UTRN: variants seen among roughly 807,000 people sequenced by gnomAD.
The protein encoded by UTRN is dystrophin-related protein 1.
Under a neutral mutation model 463.9 loss-of-function variants are expected in UTRN, and 283 were observed. That is an observed-to-expected ratio of 0.61 (90% CI 0.55 to 0.67). UTRN has a LOEUF of 0.67. Among genes scored for constraint, UTRN ranks in the 30% least tolerant of loss-of-function variants. The pLI, the probability that UTRN is intolerant of heterozygous loss-of-function variation, is 0.00. For missense variants in UTRN, 3,922 were observed against 4,084.3 expected, an observed-to-expected ratio of 0.96 and a Z score of 1.08; for synonymous variants, 1,442 against 1,431.5, an observed-to-expected ratio of 1.01 and a Z score of -0.17.
intron 3 of UTRN, among the ~76,000 whole-genome samples, chr6:144,412,734 G>T (rs1407218225): frequency 7.2e-6 from 1 of 139,722 alleles, no homozygotes; most frequent in Non-Finnish European, 1.6e-5. Flanking sequence ...GTGTGTGTGT[G>T]TGTATATATA....
chr6:144,576,826 A>G (rs1387885474), intron 50 of UTRN, among the ~76,000 whole-genome samples: 3 of 152,174 alleles, frequency 2.0e-5, no homozygotes, highest in African/African-American at 7.2e-5. Context: ...TACAATTATG[A>G]GCTGTAAAAT....
chr6:144,827,260 G>A, intron 66 of UTRN, 88 bp from the exon 67 acceptor site: 1 of 1,493,118 alleles, frequency 6.7e-7, no homozygotes, highest in South Asian at 1.2e-5. Context: ...AGATAATTGA[G>A]AATCTCCCCA....
chr6:144,511,265 C>T, intron 35 of UTRN, 142 bp downstream of exon 35: 1 of 802,858 alleles, frequency 1.2e-6, no homozygotes, highest in Non-Finnish European at 1.7e-6. Context: ...TTTCATTAGA[C>T]TAGGTTTTAT....
intron 52 of UTRN, among the ~76,000 whole-genome samples, chr6:144,681,653 A>C (rs1585976494): frequency 1.3e-5 from 2 of 151,920 alleles, no homozygotes; most frequent in East Asian, 3.9e-4. Context: ...AACTGAGTCT[A>C]CTCAGTCTCG....
At chr6:144,757,531 C>T (rs1191546089) in intron 57 of UTRN, among the ~76,000 whole-genome samples, 8 of 151,980 alleles carry the variant, frequency 5.3e-5, no homozygotes, top group African/African-American at 1.2e-4. Context: ...CTGGAAAATT[C>T]GGTCTTGAAA....
chr6:144,313,772 G>T (rs184931253), intron 2 of UTRN, among the ~76,000 whole-genome samples: 5 of 152,164 alleles, frequency 3.3e-5, no homozygotes, highest in Non-Finnish European at 7.3e-5. Context: ...CTCTATTTCT[G>T]GGGGAGAGAT....
chr6:144,607,344 G>A (rs1421046545), intron 51 of UTRN, among the ~76,000 whole-genome samples: 1 of 152,122 alleles, frequency 6.6e-6, no homozygotes, highest in Non-Finnish European at 1.5e-5. Context: ...GGAGCTGCAC[G>A]ATGCACATTA....
intron 54 of UTRN, among the ~76,000 whole-genome samples, chr6:144,732,214 TTATATA>T (rs1174420940): frequency 1.8e-4 from 17 of 92,304 alleles, no homozygotes; most frequent in Admixed American, 8.9e-4. Flanking sequence ...GTACTCTGTT[TTATATA>T]TATATATATA....
At chr6:144,384,496 T>A (rs1781239697) in intron 2 of UTRN, among the ~76,000 whole-genome samples, 1 of 152,016 alleles carries the variant, frequency 6.6e-6, no homozygotes, top group Non-Finnish European at 1.5e-5. Context: ...GCCCCGCCCA[T>A]GGAAAAATTG....
At position 144,337,874 on chromosome 6, in the gene UTRN, T is replaced by G. The variant is rs376342979; in HGVS notation, c.79+45967T>G. On this transcript the variant is annotated intron_variant, in intron 2 of 74. Transcript: ENST00000367545. ...AGGTGATCCACCCGCCTCAGCTTCCTAAAGTGCTGGGATTATAGGCATGAG... is the reference window on the plus strand; with the variant it reads ...AGGTGATCCACCCGCCTCAGCTTCCGAAAGTGCTGGGATTATAGGCATGAG... 2.0e-5 allele frequency among the ~76,000 whole-genome samples: 3 copies of G among 152,318 alleles called. 1 individual carries two copies.
chr6:144,757,962 C>A lies in UTRN; in HGVS notation c.8468C>A (p.Ser2823Ter), dbSNP rs1647418086. 4 of 1,611,036 alleles carry A rather than the reference C, an allele frequency of 2.5e-6. No homozygotes were observed. The highest frequency in any genetic ancestry group is 1.3e-5 in the African/African-American group (1 of 74,790). ...SVQLPWQRSI[S>*]HNKVPYYINH... ...CAGCTGCCGTGGCAAAGATCCATTT[C>A]ACATAATAAAGTGCCCTATTACATC... Residue 2823 changes from serine (S) to a stop codon, truncating the protein, a stop_gained, in exon 58 of 75, where the codon TCA becomes TAA. Transcript: ENST00000367545. LOFTEE classifies it high-confidence loss of function.
chr6:144,516,517 A>G, intron 38 of UTRN, 130 bp downstream of exon 38: 2 of 1,064,864 alleles, frequency 1.9e-6, no homozygotes, highest in Non-Finnish European at 2.7e-6. Context: ...TGATTTTTTG[A>G]TGTGTGTCAA....
chr6:144,589,771 G>A (rs1802820264), intron 51 of UTRN, among the ~76,000 whole-genome samples: 1 of 152,096 alleles, frequency 6.6e-6, no homozygotes, highest in African/African-American at 2.4e-5. Flanking sequence ...ATGAGGAGAT[G>A]TTGGAAATCA....
intron 2 of UTRN, among the ~76,000 whole-genome samples, chr6:144,397,159 G>A (rs368853487): frequency 4.7e-4 from 71 of 152,114 alleles, no homozygotes; most frequent in African/African-American, 1.3e-3. Flanking sequence ...GAGGAGAACC[G>A]CTTCAACCTG....
At chr6:144,372,362 C>T (rs1421576821) in intron 2 of UTRN, among the ~76,000 whole-genome samples, 4 of 152,164 alleles carry the variant, frequency 2.6e-5, no homozygotes, top group Non-Finnish European at 5.9e-5. Flanking sequence ...ACAATAATAC[C>T]TCATGGCTGT....
intron 57 of UTRN, among the ~76,000 whole-genome samples, chr6:144,755,673 T>C (rs1562867668): frequency 6.6e-6 from 1 of 152,170 alleles, no homozygotes; most frequent in Non-Finnish European, 1.5e-5. Context: ...CTTTAGCAAA[T>C]ATATGTAAGA....
intron 48 of UTRN, among the ~76,000 whole-genome samples, chr6:144,551,879 T>A (rs1327180584): frequency 1.3e-5 from 2 of 152,192 alleles, no homozygotes; most frequent in African/African-American, 4.8e-5. Flanking sequence ...GGCCTTTTCT[T>A]CCCAGGTGCA....
intron 34 of UTRN, among the ~76,000 whole-genome samples, chr6:144,509,136 A>G (rs1051656435): frequency 6.6e-6 from 1 of 152,102 alleles, no homozygotes; most frequent in Non-Finnish European, 1.5e-5. Context: ...CAGAATTGAT[A>G]TCTTTGTTAT....
chr6:144,654,184 T>A (rs1779104537), intron 51 of UTRN, among the ~76,000 whole-genome samples: 1 of 152,114 alleles, frequency 6.6e-6, no homozygotes, highest in Non-Finnish European at 1.5e-5. Flanking sequence ...GGAGTTGAAG[T>A]AGGTTTAGAG....
Sources: gnomAD v4.1 joint callset for allele counts (sites outside exome capture counted in the v4.1 genomes callset) on GRCh38, gnomAD v4.1.1 for gene constraint, MANE v1.5 for transcripts, NCBI Gene and HGNC (gene_info 2026-07-23, HGNC 2026-07-21) for gene names.